Variants in USP54 observed in about 807,000 individuals in gnomAD.
USP54 encodes ubiquitin carboxyl-terminal hydrolase 54.
In USP54, 87 loss-of-function variants were observed where a neutral mutation model predicts 170.5. The ratio of observed to expected loss-of-function variants is 0.51; its 90% CI spans 0.43 to 0.61. USP54 has a LOEUF of 0.61. Ranked by LOEUF, USP54 falls within the 20% of genes least tolerant of loss-of-function variation. The pLI, the probability that USP54 is intolerant of heterozygous loss-of-function variation, is 0.00. For synonymous variants in USP54, 655 were observed against 742.8 expected, an observed-to-expected ratio of 0.88 and a Z score of 1.92; for missense variants, 1,786 against 2,047.8, an observed-to-expected ratio of 0.87 and a Z score of 2.47.
intron 20 of USP54, among the ~76,000 whole-genome samples, chr10:73,509,643 TGA>T (rs1180577199): frequency 6.6e-6 from 1 of 151,918 alleles, no homozygotes; most frequent in African/African-American, 2.4e-5. Context: ...TCTTTATTTC[TGA>T]GAGATACATG....
At chr10:73,562,121 A>AGG (rs1257595746) in intron 4 of USP54, among the ~76,000 whole-genome samples, 1 of 151,956 alleles carries the variant, frequency 6.6e-6, no homozygotes, top group African/African-American at 2.4e-5. Flanking sequence ...AGAGAGAGAG[A>AGG]GAGAAAAAAA....
At chr10:73,509,156 T>C (rs993542024) in intron 20 of USP54, among the ~76,000 whole-genome samples, 2 of 129,762 alleles carry the variant, frequency 1.5e-5, no homozygotes, top group African/African-American at 5.8e-5. Context: ...CAAAATGCAA[T>C]ATGTGTGTCT....
At chr10:73,548,768 T>C (rs2068489810) in intron 4 of USP54, among the ~76,000 whole-genome samples, 1 of 152,070 alleles carries the variant, frequency 6.6e-6, no homozygotes, top group African/African-American at 2.4e-5. Flanking sequence ...TTAGGAGAAA[T>C]ATCTAATATA....
At chr10:73,541,897 C>A in intron 7 of USP54, 159 bp from the exon 8 acceptor site, 1 of 647,370 alleles carries the variant, frequency 1.5e-6, no homozygotes, top group Non-Finnish European at 2.7e-6. Flanking sequence ...ACAGTAAGTA[C>A]CTCTACCTGT....
At chr10:73,527,365 G>A (rs2063075386) in intron 15 of USP54, among the ~76,000 whole-genome samples, 1 of 151,986 alleles carries the variant, frequency 6.6e-6, no homozygotes, top group Non-Finnish European at 1.5e-5. Flanking sequence ...GGGTGTGGTG[G>A]TGGGCGCCTG....
chr10:73,534,404 G>A (rs1442207027), intron 12 of USP54, among the ~76,000 whole-genome samples, 196 bp downstream of exon 12: 1 of 151,998 alleles, frequency 6.6e-6, no homozygotes, highest in Non-Finnish European at 1.5e-5. Context: ...TAGAGACGGA[G>A]TTTCACCGTG....
At chr10:73,566,755 C>CA (rs796392640) in intron 4 of USP54, among the ~76,000 whole-genome samples, 24 of 151,130 alleles carry the variant, frequency 1.6e-4, no homozygotes, top group Non-Finnish European at 1.9e-4. Context: ...AAAAACAAAA[C>CA]AAAAAAAACA....
At chr10:73,607,755 C>T (rs1429545771) in intron 1 of USP54, among the ~76,000 whole-genome samples, 3 of 150,036 alleles carry the variant, frequency 2.0e-5, no homozygotes, top group East Asian at 2.0e-4. Flanking sequence ...TGCTTGAACC[C>T]GGGAAGCGGA....
intron 4 of USP54, among the ~76,000 whole-genome samples, chr10:73,557,156 T>C (rs1564818397): frequency 6.6e-6 from 1 of 152,114 alleles, no homozygotes; most frequent in Non-Finnish European, 1.5e-5. Flanking sequence ...AGTCAAGTCA[T>C]ACCCTGGGGG....
intron 4 of USP54, among the ~76,000 whole-genome samples, chr10:73,561,497 C>T (rs1461168828): frequency 6.6e-6 from 1 of 152,006 alleles, no homozygotes; most frequent in African/African-American, 2.4e-5. Context: ...TTAAATAAAA[C>T]TTCATGAAGA....
In USP54 at chr10:73,615,969, G is replaced by A. The variant is rs1372676412; in HGVS notation, c.-18+9598C>T. ...CACCTGTAATCCCAGCACTTTGGGA[G>A]GCCAAGGTGAGAGGATTACTTGAGG... On this transcript the variant is annotated intron_variant, in intron 1 of 22. Transcript: ENST00000339859. 2.0e-5 allele frequency among the ~76,000 whole-genome samples: 3 copies of A among 149,314 alleles called. 1 individual carries two copies. The highest frequency in any genetic ancestry group is 7.7e-5 in the African/African-American group (3 of 39,098).
chr10:73,504,849 C>A lies in USP54; in HGVS notation c.4311+1G>T. On this transcript the variant is annotated splice_donor_variant, in intron 22 of 23. Coordinates refer to ENST00000687698, the MANE Select transcript of USP54 (RefSeq NM_001391956.1). LOFTEE classifies it high-confidence loss of function. ...AATAGATGGACCCTGATTCTACTTA[C>A]AAAACTGTGGGAAGAAACCGGAGCT... 1 of 1,614,160 alleles carries A rather than the reference C, an allele frequency of 6.2e-7. No homozygotes were observed. The highest frequency in any genetic ancestry group is 8.5e-7 in the Non-Finnish European group (1 of 1,180,024).
At chr10:73,539,320 A>G (rs1285828275) in intron 10 of USP54, 124 bp downstream of exon 10, 5 of 400,160 alleles carry the variant, frequency 1.2e-5, no homozygotes, top group African/African-American at 2.1e-5. Flanking sequence ...ATATATATAT[A>G]TATGTTTTAT....
chr10:73,542,629 A>C (rs2066869559), intron 7 of USP54, among the ~76,000 whole-genome samples, 174 bp downstream of exon 7: 1 of 151,606 alleles, frequency 6.6e-6, no homozygotes, highest in Admixed American at 6.6e-5. Context: ...TACTTGGGAG[A>C]TGGAGGCAGG....
intron 20 of USP54, 81 bp from the exon 21 acceptor site, chr10:73,505,507 G>A: frequency 9.3e-7 from 1 of 1,076,936 alleles, no homozygotes; most frequent in East Asian, 2.5e-5. Context: ...CACAAACTCA[G>A]GAGCTGTTGT....
At chr10:73,600,213 A>T (rs565790815) in intron 1 of USP54, among the ~76,000 whole-genome samples, 1 of 152,122 alleles carries the variant, frequency 6.6e-6, no homozygotes, top group South Asian at 2.1e-4. Context: ...GGCTCTTTTC[A>T]TAAGGCCATG....
chr10:73,589,354 C>T (rs147927228), intron 1 of USP54, among the ~76,000 whole-genome samples: 452 of 152,246 alleles, frequency 3.0e-3, no homozygotes, highest in Non-Finnish European at 5.2e-3. Flanking sequence ...GTAGGACAAA[C>T]GAAATGTTCT....
intron 4 of USP54, among the ~76,000 whole-genome samples, chr10:73,551,666 C>T (rs1013318350): frequency 6.6e-6 from 1 of 152,160 alleles, no homozygotes; most frequent in Non-Finnish European, 1.5e-5. Flanking sequence ...CTATTACATC[C>T]CAGCCTGTTG....
chr10:73,500,270 G>A (rs138156021), intron 23 of USP54, among the ~76,000 whole-genome samples: 2 of 152,332 alleles, frequency 1.3e-5, no homozygotes, highest in African/African-American at 4.8e-5. Flanking sequence ...TCCCTCAGCT[G>A]AGACTCAGAG....
Sources: allele counts gnomAD v4.1 joint callset (sites outside exome capture counted in the v4.1 genomes callset), GRCh38; gene constraint gnomAD v4.1.1; transcripts MANE v1.5; gene names NCBI Gene and HGNC (gene_info 2026-07-23, HGNC 2026-07-21).